Variants in CHCHD3 observed in about 807,000 individuals in gnomAD.
CHCHD3 encodes the protein coiled-coil-helix-coiled-coil-helix domain containing 3, also known as MICOS complex subunit MIC19.
In CHCHD3, 20 loss-of-function variants were observed where a neutral mutation model predicts 38.2. That is an observed-to-expected ratio of 0.52 (90% CI 0.37 to 0.76). The LOEUF (loss-of-function observed/expected upper bound fraction) is 0.76. CHCHD3 is among the 30% of genes least tolerant of loss of function. The pLI is 0.00. For missense variants in CHCHD3, 245 were observed against 279.2 expected, an observed-to-expected ratio of 0.88 and a Z score of 0.87; for synonymous variants, 82 against 100.0, an observed-to-expected ratio of 0.82 and a Z score of 1.07.
Position 132,959,774 on chromosome 7 carries a change from G to T in CHCHD3, c.369+15395C>A, listed in dbSNP as rs530771724. Among the ~76,000 whole-genome samples, 4 of 151,686 alleles carry T rather than the reference G, an allele frequency of 2.6e-5. No individual in the cohort carries two copies. The South Asian group carries it at 8.4e-4, about 32-fold the overall frequency. ...AAAAGAAAAAATAAATGCATGCATG[G>T]GTTTACAGCTGGCATAGATCAATTT... On this transcript the variant is annotated intron_variant, in intron 4 of 7. Transcript: ENST00000262570.
intron 5 of CHCHD3, among the ~76,000 whole-genome samples, chr7:132,874,025 G>T (rs1808833845): frequency 6.6e-6 from 1 of 152,108 alleles, no homozygotes; most frequent in Non-Finnish European, 1.5e-5. Flanking sequence ...AAGCAATTTG[G>T]AAGATGCATC....
intron 4 of CHCHD3, among the ~76,000 whole-genome samples, chr7:132,955,077 A>G (rs1811125638): frequency 6.6e-6 from 1 of 152,138 alleles, no homozygotes; most frequent in African/African-American, 2.4e-5. Context: ...AATGGGCCTT[A>G]GCCCAGGGAA....
intron 5 of CHCHD3, among the ~76,000 whole-genome samples, chr7:132,878,940 G>A (rs1432719940): frequency 1.2e-4 from 18 of 152,172 alleles, no homozygotes. Context: ...CCTAAAACTT[G>A]TAAGGGAGTC....
intron 2 of CHCHD3, among the ~76,000 whole-genome samples, chr7:133,066,195 C>G (rs1350787188): frequency 1.3e-5 from 2 of 151,882 alleles, no homozygotes; most frequent in South Asian, 4.2e-4. Context: ...CCACATGTGA[C>G]TAGTGGCTAC....
At chr7:132,960,536 CCTGTGCATGA>C (rs1383100104) in intron 4 of CHCHD3, among the ~76,000 whole-genome samples, 1 of 152,148 alleles carries the variant, frequency 6.6e-6, no homozygotes, top group African/African-American at 2.4e-5. Flanking sequence ...TCTTCTATCA[CCTGTGCATGA>C]CAGGGAATGA....
intron 4 of CHCHD3, among the ~76,000 whole-genome samples, chr7:132,939,351 G>T (rs1456512662): frequency 6.6e-6 from 1 of 152,062 alleles, no homozygotes; most frequent in Non-Finnish European, 1.5e-5. Flanking sequence ...TCCATTCATG[G>T]TAAGAGCCCT....
chr7:132,789,271 T>C (rs1161378230), intron 7 of CHCHD3, among the ~76,000 whole-genome samples: 1 of 152,238 alleles, frequency 6.6e-6, no homozygotes, highest in African/African-American at 2.4e-5. Flanking sequence ...AAGGAACTGC[T>C]AACACTTAAT....
At position 132,789,436 on chromosome 7, in the gene CHCHD3, G is replaced by C. The variant is rs1158255377; in HGVS notation, c.661-3776C>G. 2.6e-5 allele frequency among the ~76,000 whole-genome samples: 4 copies of C among 152,270 alleles called. No individual in the cohort carries two copies. The East Asian group carries it at 7.7e-4, about 29-fold the overall frequency. ...TTTCCCAAGTCTTTTTCTCATTCCA[G>C]CCACTGAAGAACAACCGGCAGCTCA... On this transcript the variant is annotated intron_variant, in intron 7 of 7. Coordinates refer to ENST00000262570, the MANE Select transcript of CHCHD3 (RefSeq NM_017812.4).
chr7:133,039,974 C>T (rs6974822), intron 2 of CHCHD3, among the ~76,000 whole-genome samples: 3,418 of 152,166 alleles, frequency 0.022, 131 homozygotes, highest in African/African-American at 0.078. Context: ...TCAAATTATC[C>T]AAAATGTTAC....
intron 3 of CHCHD3, among the ~76,000 whole-genome samples, chr7:132,989,400 GAAAA>G (rs5887604): frequency 2.8e-5 from 4 of 142,302 alleles, no homozygotes; most frequent in African/African-American, 1.0e-4. Context: ...TGATGCAAGA[GAAAA>G]AAAAAAAACT....
intron 5 of CHCHD3, among the ~76,000 whole-genome samples, chr7:132,868,773 G>A (rs1250855240): frequency 6.6e-6 from 1 of 152,034 alleles, no homozygotes; most frequent in African/African-American, 2.4e-5. Flanking sequence ...TTCAAGAAAA[G>A]ACCTTTTAAC....
At chr7:132,836,198 T>C (rs1807776849) in intron 6 of CHCHD3, among the ~76,000 whole-genome samples, 1 of 152,124 alleles carries the variant, frequency 6.6e-6, no homozygotes, top group Non-Finnish European at 1.5e-5. Flanking sequence ...ACTGCAACCT[T>C]TGCCTCTCGG....
At chr7:132,972,810 A>G (rs1811645653) in intron 4 of CHCHD3, 4 of 985,390 alleles carry the variant, frequency 4.1e-6, no homozygotes, top group Non-Finnish European at 4.8e-6. Context: ...GAGTACTACA[A>G]TTTGTCATCT....
chr7:132,919,846 T>A (rs781507196), intron 4 of CHCHD3, among the ~76,000 whole-genome samples: 1 of 152,128 alleles, frequency 6.6e-6, no homozygotes, highest in South Asian at 2.1e-4. Flanking sequence ...TAGCTACAAG[T>A]TGGTGTATGT....
intron 4 of CHCHD3, among the ~76,000 whole-genome samples, chr7:132,896,038 CTG>C (rs1441615529): frequency 6.6e-6 from 1 of 152,182 alleles, no homozygotes; most frequent in African/African-American, 2.4e-5. Context: ...CAATAAATGT[CTG>C]TACATATTGT....
At chr7:132,862,593 A>G (rs1433741621) in intron 5 of CHCHD3, among the ~76,000 whole-genome samples, 4 of 152,228 alleles carry the variant, frequency 2.6e-5, no homozygotes, top group Non-Finnish European at 4.4e-5. Context: ...AATTTCTTAA[A>G]TAAGACAACA....
At chr7:132,834,727 C>T (rs898517292) in intron 6 of CHCHD3, among the ~76,000 whole-genome samples, 2 of 152,082 alleles carry the variant, frequency 1.3e-5, no homozygotes, top group Non-Finnish European at 2.9e-5. Flanking sequence ...TTCCAATGTC[C>T]TTAGGACCTG....
chr7:132,998,575 GA>G (rs548061390), intron 3 of CHCHD3, among the ~76,000 whole-genome samples: 8 of 152,204 alleles, frequency 5.3e-5, no homozygotes, highest in South Asian at 4.1e-4. Flanking sequence ...GCCAAAGGTG[GA>G]AAAAATAATA....
chr7:132,939,757 T>C (rs1017390246), intron 4 of CHCHD3, among the ~76,000 whole-genome samples: 1 of 152,168 alleles, frequency 6.6e-6, no homozygotes, highest in Admixed American at 6.5e-5. Context: ...CCTTCCAAGT[T>C]CAAATAAACT....
Sources: allele counts gnomAD v4.1 joint callset (sites outside exome capture counted in the v4.1 genomes callset), GRCh38; gene constraint gnomAD v4.1.1; transcripts MANE v1.5; gene names NCBI Gene and HGNC (gene_info 2026-07-23, HGNC 2026-07-21).